Variants in PDZD2 observed in about 807,000 individuals in gnomAD.
PDZD2 encodes the protein PDZ domain containing 2, also known as PDZ domain-containing protein 2.
In PDZD2, 90 loss-of-function variants were observed where a neutral mutation model predicts 220.7. The observed-to-expected ratio is 0.41, with a 90% confidence interval of 0.34 to 0.49. The LOEUF (loss-of-function observed/expected upper bound fraction) is 0.49. Among genes scored for constraint, PDZD2 ranks in the 20% least tolerant of loss-of-function variants. PDZD2 has a pLI of 0.28. For missense variants in PDZD2, 3,174 were observed against 3,608.5 expected (o/e 0.88, Z 3.08); for synonymous variants, 1,375 against 1,450.5 (o/e 0.95, Z 1.18).
intron 1 of PDZD2, among the ~76,000 whole-genome samples, chr5:31,781,112 T>C (rs577468400): frequency 3.9e-5 from 6 of 152,244 alleles, no homozygotes; most frequent in Non-Finnish European, 8.8e-5. Flanking sequence ...GTTGAATCCT[T>C]ACACAAAAAC....
In PDZD2 at chr5:31,671,335, C is replaced by T. The variant is rs143273137; in HGVS notation, c.-361+31898C>T. Among the ~76,000 whole-genome samples, 37 of 152,338 alleles carry T rather than the reference C, an allele frequency of 2.4e-4. No homozygotes were observed. In the East Asian group the frequency reaches 6.9e-3, roughly 29 times the overall value. On this transcript the variant is annotated intron_variant, in intron 1 of 24. Coordinates refer to ENST00000438447, the MANE Select transcript of PDZD2 (RefSeq NM_178140.4). ...ATTGAAAATAGTTCCCTGTTATCAACGTCTTCCTTATTCTCACTGCTAGGG... is the reference window on the plus strand; with the variant it reads ...ATTGAAAATAGTTCCCTGTTATCAATGTCTTCCTTATTCTCACTGCTAGGG...
At chr5:31,792,337 G>C (rs746051082) in intron 1 of PDZD2, among the ~76,000 whole-genome samples, 3 of 152,188 alleles carry the variant, frequency 2.0e-5, no homozygotes, top group Non-Finnish European at 2.9e-5. Flanking sequence ...AATGGGTCTG[G>C]GTTCTAGTTC....
At chr5:32,012,178 C>G in intron 6 of PDZD2, among the ~76,000 whole-genome samples, 1 of 152,086 alleles carries the variant, frequency 6.6e-6, no homozygotes, top group East Asian at 1.9e-4. Flanking sequence ...GAGGGCTCAT[C>G]CCTACTGAGC....
chr5:31,961,557 T>A (rs1748233080), intron 2 of PDZD2, among the ~76,000 whole-genome samples: 1 of 152,050 alleles, frequency 6.6e-6, no homozygotes, highest in South Asian at 2.1e-4. Context: ...CAATACAGCT[T>A]CATTCATTGA....
At chr5:32,070,785 C>G (rs968916426) in intron 15 of PDZD2, among the ~76,000 whole-genome samples, 1 of 152,224 alleles carries the variant, frequency 6.6e-6, no homozygotes, top group Admixed American at 6.5e-5. Flanking sequence ...CACCTGAAGT[C>G]TGGAGTTCGA....
chr5:32,003,957 C>A (rs567040813), intron 5 of PDZD2, among the ~76,000 whole-genome samples: 2 of 152,250 alleles, frequency 1.3e-5, no homozygotes, highest in Admixed American at 1.3e-4. Flanking sequence ...GGTGATCCAC[C>A]CACCTTGGCC....
At chr5:31,955,313 T>A (rs1747564094) in intron 2 of PDZD2, among the ~76,000 whole-genome samples, 1 of 152,014 alleles carries the variant, frequency 6.6e-6, no homozygotes. Flanking sequence ...TTTGTTTTGT[T>A]TTTTCGAGAC....
intron 2 of PDZD2, among the ~76,000 whole-genome samples, chr5:31,858,711 C>CCCTCCCTT (rs1181665890): frequency 2.0e-5 from 3 of 147,118 alleles, no homozygotes; most frequent in East Asian, 4.4e-4. Flanking sequence ...ATCCCTCCCT[C>CCCTCCCTT]CCTCCCTTCC....
At position 32,037,396 on chromosome 5, in the gene PDZD2, G is replaced by A. The variant is rs931939931; in HGVS notation, c.1519+54G>A. 96 of 1,006,486 alleles carry A rather than the reference G, an allele frequency of 9.5e-5. 1 individual carries two copies. The South Asian group carries it at 1.2e-3, about 12-fold the overall frequency. The allele number at this position is 1,006,486 out of a possible 1,614,324, so 62.3% of individuals were successfully genotyped here. On this transcript the variant is annotated intron_variant, in intron 7 of 24. Coordinates refer to ENST00000438447, the MANE Select transcript of PDZD2 (RefSeq NM_178140.4). ...TGTCTAGGATGAGTTTTCAGCCTCA[G>A]GAGCAGGGAGATGAAGCCATTGCCG...
At chr5:31,987,477 A>T (rs1264106673) in intron 3 of PDZD2, among the ~76,000 whole-genome samples, 2 of 152,176 alleles carry the variant, frequency 1.3e-5, no homozygotes, top group East Asian at 3.8e-4. Flanking sequence ...TCACGTTTGC[A>T]TCAGAGGCAG....
At chr5:31,929,778 G>A (rs1314788465) in intron 2 of PDZD2, among the ~76,000 whole-genome samples, 2 of 152,058 alleles carry the variant, frequency 1.3e-5, no homozygotes, top group Non-Finnish European at 2.9e-5. Flanking sequence ...CGGCTAGCAT[G>A]ACTATCTGTG....
chr5:32,050,835 AAAAT>A (rs1738469406), intron 8 of PDZD2, among the ~76,000 whole-genome samples: 1 of 152,150 alleles, frequency 6.6e-6, no homozygotes, highest in African/African-American at 2.4e-5. Context: ...ATAAACAAAT[AAAAT>A]AAATAAATAA....
In PDZD2 at chr5:31,827,709, A is replaced by T. The variant is rs58385899; in HGVS notation, c.476+27985A>T. Among the ~76,000 whole-genome samples the T allele has an allele frequency of 2.0e-3, 282 of 144,324 alleles. 15 individuals are homozygous for T. The highest frequency in any genetic ancestry group is 4.0e-3 in the African/African-American group (159 of 39,428). 94.7% of individuals were successfully genotyped at this position (144,324 alleles called of 152,430 possible). ...TCTGTCTCAAAAAAAATAAATAAAT[A>T]AAAAAATAAAAATAATTTTAAAATG... is the stretch of plus-strand genomic sequence containing the variant. On this transcript the variant is annotated intron_variant, in intron 2 of 24. Transcript: ENST00000438447.
chr5:31,871,760 T>C (rs1738819150), intron 2 of PDZD2, among the ~76,000 whole-genome samples: 1 of 152,094 alleles, frequency 6.6e-6, no homozygotes, highest in South Asian at 2.1e-4. Flanking sequence ...GTACTTGAGC[T>C]TTCATCATTT....
At position 31,755,701 on chromosome 5, in the gene PDZD2, G is replaced by A. The variant is rs192624718; in HGVS notation, c.-360-43188G>A. On this transcript the variant is annotated intron_variant, in intron 1 of 24. Coordinates refer to ENST00000438447, the MANE Select transcript of PDZD2 (RefSeq NM_178140.4). ...ATCTAACATAAGTAATAGATTCATT[G>A]ATAAGGGAAAACATGCCCCTCTTTT... is the stretch of plus-strand genomic sequence containing the variant. Among the ~76,000 whole-genome samples, 6 of 149,558 alleles carry A rather than the reference G, an allele frequency of 4.0e-5. No individual in the cohort carries two copies. In the East Asian group the frequency reaches 1.2e-3, roughly 29 times the overall value.
At chr5:31,945,056 C>G (rs1270910590) in intron 2 of PDZD2, among the ~76,000 whole-genome samples, 1 of 152,124 alleles carries the variant, frequency 6.6e-6, no homozygotes, top group Non-Finnish European at 1.5e-5. Context: ...AGTTGTATAT[C>G]TTTGTAAGAT....
chr5:31,906,407 G>A (rs373068945), intron 2 of PDZD2, among the ~76,000 whole-genome samples: 9 of 150,888 alleles, frequency 6.0e-5, no homozygotes, highest in Admixed American at 2.0e-4. Flanking sequence ...ACGGGGTTTC[G>A]CCATGTTACC....
chr5:32,056,948 G>A (rs1739145410), intron 10 of PDZD2, among the ~76,000 whole-genome samples: 1 of 152,162 alleles, frequency 6.6e-6, no homozygotes, highest in South Asian at 2.1e-4. Context: ...AAAAAAATTA[G>A]CCATATATGG....
Position 32,088,713 on chromosome 5 carries a change from C to T in PDZD2, c.5265C>T (p.Ala1755=), listed in dbSNP as rs772690200. The T allele has an allele frequency of 1.9e-6, 3 of 1,614,080 alleles. No homozygotes were observed. Among genetic ancestry groups the T allele is most frequent in the Admixed American group, 3.3e-5 (2 of 60,016 alleles). The stretch of plus-strand genomic sequence containing the variant: ...ACGAAACAAGCATTAATGCAGCTGC[C>T]AGTCTGTCCTCCTTCAGTGTGGATG... ...NQYETSINAA[A]SLSSFSVDVP... The change falls in exon 20 of 25, where the codon GCC becomes GCT. Residue 1755 remains alanine, a synonymous_variant. Coordinates refer to ENST00000438447, the MANE Select transcript of PDZD2 (RefSeq NM_178140.4). This position sits in a 1 kb window ranked among gnomAD's most constrained non-coding sequence, Gnocchi z 4.6.
Sources: gnomAD v4.1 joint callset for allele counts (sites outside exome capture counted in the v4.1 genomes callset) on GRCh38, gnomAD v4.1.1 for gene constraint, Gnocchi (gnomAD v3.1) non-coding constraint, MANE v1.5 for transcripts, NCBI Gene and HGNC (gene_info 2026-07-23, HGNC 2026-07-21) for gene names.